Variants in SLCO3A1 observed in about 807,000 individuals in gnomAD.
SLCO3A1 encodes the protein solute carrier organic anion transporter family member 3A1.
SLCO3A1 carries 27 observed loss-of-function variants against 63.1 expected under a neutral mutation model. The observed-to-expected ratio is 0.43, with a 90% CI of 0.32 to 0.59. The LOEUF (loss-of-function observed/expected upper bound fraction) is 0.59. SLCO3A1 is among the 20% of genes least tolerant of loss of function. The pLI, the probability that SLCO3A1 is intolerant of heterozygous loss-of-function variation, is 0.09. For missense variants in SLCO3A1, 773 were observed against 945.8 expected, an observed-to-expected ratio of 0.82 and a Z score of 2.40; for synonymous variants, 473 against 409.9, an observed-to-expected ratio of 1.15 and a Z score of -1.86.
intron 2 of SLCO3A1, among the ~76,000 whole-genome samples, chr15:91,992,784 G>T (rs1411062791): frequency 1.3e-5 from 2 of 152,178 alleles, no homozygotes; most frequent in African/African-American, 4.8e-5. Flanking sequence ...CTCTCCAGGA[G>T]CCAAGGGTCC....
At chr15:92,162,604 A>ACT in intron 9 of SLCO3A1, 152 bp from the exon 10 acceptor site, 1 of 1,280,606 alleles carries the variant, frequency 7.8e-7, no homozygotes, top group Non-Finnish European at 1.1e-6. Context: ...ACTGGGACAC[A>ACT]AACTCATGCG....
intron 6 of SLCO3A1, among the ~76,000 whole-genome samples, chr15:92,126,835 G>C (rs1402400237): frequency 6.6e-6 from 1 of 152,310 alleles, no homozygotes; most frequent in East Asian, 1.9e-4. Flanking sequence ...GGGAATTATG[G>C]GGAGTCTTCA....
chr15:91,905,767 G>A (rs1436123941), intron 1 of SLCO3A1, among the ~76,000 whole-genome samples: 1 of 151,934 alleles, frequency 6.6e-6, no homozygotes, highest in Non-Finnish European at 1.5e-5. Context: ...ATTTCTCTTT[G>A]TTCAACCCAG....
intron 1 of SLCO3A1, among the ~76,000 whole-genome samples, chr15:91,881,420 G>A (rs948691248): frequency 6.6e-6 from 1 of 152,068 alleles, no homozygotes; most frequent in African/African-American, 2.4e-5. Context: ...AGTGGCCTGA[G>A]CTGAAAGACC....
At position 92,033,318 on chromosome 15, in the gene SLCO3A1, G is replaced by A. The variant is rs566151328; in HGVS notation, c.647-61563G>A. Among the ~76,000 whole-genome samples the A allele has an allele frequency of 2.0e-5, 3 of 152,324 alleles. No individual in the cohort carries two copies. Among genetic ancestry groups the A allele is most frequent in the South Asian group, 4.1e-4 (2 of 4,822 alleles). ...ACACGGATGTCCTCTTAGTATTTCT[G>A]CCCTTTGGAGAGACTTCTGCAACCC... On this transcript the variant is annotated intron_variant, in intron 2 of 9. Coordinates refer to ENST00000318445, the MANE Select transcript of SLCO3A1 (RefSeq NM_013272.4). This position sits in a 1 kb window ranked among gnomAD's most constrained non-coding sequence, Gnocchi z 4.5.
In SLCO3A1 at chr15:91,967,251, A is replaced by G. The variant is rs1900693282; in HGVS notation, c.646+50793A>G. On this transcript the variant is annotated intron_variant, in intron 2 of 9. Coordinates refer to ENST00000318445, the MANE Select transcript of SLCO3A1 (RefSeq NM_013272.4). The surrounding 1 kb of genome is among the most constrained non-coding windows in gnomAD (Gnocchi z 4.4). ...ACATTTTTATTCATTTAAAATATTA[A>G]AATGACAATAAGAGAGGTTTTTAGT... Among the ~76,000 whole-genome samples, 1 of 152,248 alleles carries G rather than the reference A, an allele frequency of 6.6e-6. No individual in the cohort carries two copies. Among genetic ancestry groups the G allele is most frequent in the South Asian group, 2.1e-4 (1 of 4,830 alleles).
chr15:91,949,549 C>A (rs961677207), intron 2 of SLCO3A1, among the ~76,000 whole-genome samples: 35 of 151,944 alleles, frequency 2.3e-4, no homozygotes, highest in African/African-American at 8.2e-4. Context: ...AGACACACTT[C>A]AACCCGGGAG....
intron 2 of SLCO3A1, among the ~76,000 whole-genome samples, chr15:91,997,476 C>T (rs1479162971): frequency 2.6e-5 from 4 of 152,130 alleles, no homozygotes; most frequent in Admixed American, 6.5e-5. Context: ...AAACTACCAA[C>T]GTCATTTTTC....
At position 92,021,193 on chromosome 15, in the gene SLCO3A1, C is replaced by T. The variant is rs191068851; in HGVS notation, c.647-73688C>T. 1.8e-3 allele frequency among the ~76,000 whole-genome samples: 267 copies of T among 152,288 alleles called. 3 individuals carry two copies. The highest frequency in any genetic ancestry group is 1.3e-4 in the Non-Finnish European group (9 of 68,026). ...TTTTGGGTGGCCCAGACTTAGTATG[C>T]CCTTGATAGTGCAGCAGAAGGCCTG... On this transcript the variant is annotated intron_variant, in intron 2 of 9. Transcript: ENST00000318445.
At chr15:92,082,402 A>G (rs990992050) in intron 2 of SLCO3A1, among the ~76,000 whole-genome samples, 6 of 152,202 alleles carry the variant, frequency 3.9e-5, no homozygotes, top group African/African-American at 7.2e-5. Flanking sequence ...GTGGAGGCCA[A>G]GGATGTTCAA....
chr15:91,871,765 G>GTTTTTTTTTTTTTTTTTTTTTTGTT (rs33938693), intron 1 of SLCO3A1, among the ~76,000 whole-genome samples: 9 of 45,694 alleles, frequency 2.0e-4, no homozygotes, highest in Non-Finnish European at 3.1e-4. Context: ...TTTTTTTTTG[G>GTTTTTTTTTTTTTTTTTTTTTTGTT]TTTTTTTTTT....
At chr15:92,111,574 G>T (rs560647169) in intron 4 of SLCO3A1, among the ~76,000 whole-genome samples, 4 of 152,144 alleles carry the variant, frequency 2.6e-5, no homozygotes, top group Admixed American at 2.6e-4. Context: ...AGGTCCCCAC[G>T]GACCAGACTG....
At chr15:92,141,541 A>G (rs550492175) in intron 7 of SLCO3A1, among the ~76,000 whole-genome samples, 46 of 152,298 alleles carry the variant, frequency 3.0e-4, no homozygotes, top group African/African-American at 1.1e-3. Flanking sequence ...CAGCTTTTCA[A>G]ACTTTTTATA....
intron 4 of SLCO3A1, among the ~76,000 whole-genome samples, chr15:92,113,558 G>A (rs947718464): frequency 1.3e-5 from 2 of 152,168 alleles, no homozygotes; most frequent in Non-Finnish European, 2.9e-5. Context: ...CCCAGTAGCT[G>A]CTTCTCTCAA....
chr15:91,916,217 C>A lies in SLCO3A1; in HGVS notation c.405C>A (p.Tyr135Ter). ...LPEFLTHQYK[Y>*]EAGEIRWGAE... ...AGTTCCTGACCCACCAGTACAAGTA[C>A]GAGGCGGGCGAGATCCGCTGGGGCG... The change falls in exon 2 of 10, where the codon TAC (tyrosine) becomes TAA (stop). Residue 135 changes from tyrosine (Y) to a stop codon, truncating the protein, a stop_gained. Transcript: ENST00000318445. LOFTEE classifies it high-confidence loss of function. This position sits in a 1 kb window ranked among gnomAD's most constrained non-coding sequence, Gnocchi z 6.2. 6.3e-7 allele frequency: 1 copy of A among 1,578,430 alleles called. No homozygotes were observed. The highest frequency in any genetic ancestry group is 8.6e-7 in the Non-Finnish European group (1 of 1,164,346).
In SLCO3A1 at chr15:91,967,452, T is replaced by A. The variant is rs748635014; in HGVS notation, c.646+50994T>A. Among the ~76,000 whole-genome samples, 50 of 152,174 alleles carry A rather than the reference T, an allele frequency of 3.3e-4. 1 individual carries two copies. The highest frequency in any genetic ancestry group is 5.9e-4 in the Non-Finnish European group (40 of 68,030). On this transcript the variant is annotated intron_variant, in intron 2 of 9. Transcript: ENST00000318445. This position sits in a 1 kb window ranked among gnomAD's most constrained non-coding sequence, Gnocchi z 4.4. ...AGAATGTCCCTCCTCTGGTTATGCT[T>A]TTCTTTGGCTAATAGTATCATTTGT...
At chr15:92,121,021 C>T (rs1203476156) in intron 5 of SLCO3A1, among the ~76,000 whole-genome samples, 1 of 152,092 alleles carries the variant, frequency 6.6e-6, no homozygotes, top group African/African-American at 2.4e-5. Flanking sequence ...AACTGCAGAG[C>T]TTGGAAGCCA....
chr15:91,962,402 C>T (rs1186202607), intron 2 of SLCO3A1, among the ~76,000 whole-genome samples: 2 of 150,080 alleles, frequency 1.3e-5, no homozygotes, highest in Non-Finnish European at 3.0e-5. Flanking sequence ...TCACTTGAAC[C>T]CAGGAGACAG....
chr15:91,949,474 A>G (rs901738269), intron 2 of SLCO3A1, among the ~76,000 whole-genome samples: 1 of 152,064 alleles, frequency 6.6e-6, no homozygotes, highest in Non-Finnish European at 1.5e-5. Flanking sequence ...TACTAAAAAT[A>G]TAAAAATTAG....
Sources: gnomAD v4.1 joint callset for allele counts (sites outside exome capture counted in the v4.1 genomes callset) on GRCh38, gnomAD v4.1.1 for gene constraint, Gnocchi (gnomAD v3.1) non-coding constraint, MANE v1.5 for transcripts, NCBI Gene and HGNC (gene_info 2026-07-23, HGNC 2026-07-21) for gene names.